NCAM1: variants seen among roughly 807,000 people sequenced by gnomAD.
NCAM1 encodes the protein neural cell adhesion molecule 1, also known as antigen recognized by monoclonal antibody 5.1H11.
NCAM1 carries 14 observed loss-of-function variants against 109.8 expected under a neutral mutation model. That is an observed-to-expected ratio of 0.13 (90% confidence interval 0.08 to 0.20). The LOEUF (loss-of-function observed/expected upper bound fraction) is 0.20, where lower values mean the gene tolerates loss of function less well. NCAM1 is among the 10% of genes least tolerant of loss of function. The probability of loss-of-function intolerance (pLI) is 1.00; values close to 1 mark genes in which losing one functional copy is unlikely to be tolerated. For missense variants in NCAM1, 774 were observed against 1,109.9 expected, an observed-to-expected ratio of 0.70 and a Z score of 4.30; for synonymous variants, 418 against 442.9, an observed-to-expected ratio of 0.94 and a Z score of 0.70.
At chr11:113,145,142 A>G (rs1555101110) in intron 1 of NCAM1, among the ~76,000 whole-genome samples, 4 of 152,234 alleles carry the variant, frequency 2.6e-5, no homozygotes, top group African/African-American at 4.8e-5. Flanking sequence ...ACACTCATTC[A>G]TTCACTCTTT....
At chr11:113,019,964 A>G (rs1555075943) in intron 1 of NCAM1, among the ~76,000 whole-genome samples, 2 of 152,196 alleles carry the variant, frequency 1.3e-5, no homozygotes, top group Non-Finnish European at 2.9e-5. Context: ...GTATAATAAC[A>G]TAGCATGGCA....
chr11:112,981,065 A>G (rs1436647725), intron 1 of NCAM1, among the ~76,000 whole-genome samples: 3 of 151,878 alleles, frequency 2.0e-5, no homozygotes, highest in African/African-American at 7.2e-5. Flanking sequence ...AAGAGAATGT[A>G]GAGGAGAATC....
intron 1 of NCAM1, among the ~76,000 whole-genome samples, chr11:113,131,753 G>A (rs1389404745): frequency 6.6e-6 from 1 of 152,174 alleles, no homozygotes; most frequent in Non-Finnish European, 1.5e-5. Context: ...GAGATGAGTG[G>A]AAGATCGAGC....
intron 1 of NCAM1, among the ~76,000 whole-genome samples, chr11:112,970,933 C>A (rs1213902089): frequency 6.6e-6 from 1 of 152,050 alleles, no homozygotes; most frequent in African/African-American, 2.4e-5. Context: ...GGAGAAAGAT[C>A]TTTGAAGTTA....
chr11:113,234,362 A>G (rs1945099928), intron 13 of NCAM1, among the ~76,000 whole-genome samples: 1 of 152,030 alleles, frequency 6.6e-6, no homozygotes, highest in Non-Finnish European at 1.5e-5. Flanking sequence ...AGTGGCATTA[A>G]GTTGTAACCA....
chr11:113,046,632 G>A (rs192247255), intron 1 of NCAM1, among the ~76,000 whole-genome samples: 2 of 152,288 alleles, frequency 1.3e-5, no homozygotes, highest in Admixed American at 6.5e-5. Flanking sequence ...AAAGATAGAT[G>A]AATGAATGGA....
chr11:113,114,688 C>T (rs797023911), intron 1 of NCAM1, among the ~76,000 whole-genome samples: 2 of 152,326 alleles, frequency 1.3e-5, no homozygotes, highest in South Asian at 4.1e-4. Flanking sequence ...GCACCTCACT[C>T]ACTGCAGTGA....
chr11:113,173,442 G>A (rs1343035712), intron 1 of NCAM1, among the ~76,000 whole-genome samples: 1 of 151,684 alleles, frequency 6.6e-6, no homozygotes, highest in Non-Finnish European at 1.5e-5. Flanking sequence ...CCCACACACT[G>A]GGCTAGAATG....
chr11:112,982,903 C>T (rs1183346177), intron 1 of NCAM1, among the ~76,000 whole-genome samples: 1 of 151,764 alleles, frequency 6.6e-6, no homozygotes, highest in African/African-American at 2.4e-5. Flanking sequence ...GGAGAGATCA[C>T]GTTAGAGACA....
At chr11:113,207,499 A>T (rs1354807121) in intron 6 of NCAM1, 121 bp downstream of exon 6, 1 of 760,692 alleles carries the variant, frequency 1.3e-6, no homozygotes, top group African/African-American at 1.8e-5. Context: ...TAACCCCAGG[A>T]GAAGAATGGA....
At chr11:113,168,043 C>T (rs1942864635) in intron 1 of NCAM1, among the ~76,000 whole-genome samples, 1 of 152,108 alleles carries the variant, frequency 6.6e-6, no homozygotes, top group Admixed American at 6.5e-5. Context: ...CACATTTTTC[C>T]ACATCTGAAA....
At chr11:113,262,821 G>A in intron 17 of NCAM1, 1 of 1,612,528 alleles carries the variant, frequency 6.2e-7, no homozygotes, top group Non-Finnish European at 8.5e-7. Context: ...ATTATCTCTG[G>A]GGACCCATTG....
intron 1 of NCAM1, among the ~76,000 whole-genome samples, chr11:112,965,011 C>CA: frequency 6.6e-6 from 1 of 152,154 alleles, no homozygotes; most frequent in Non-Finnish European, 1.5e-5. Context: ...GCTTTATGAA[C>CA]GCCCTCTTTC....
At chr11:113,052,306 T>C (rs1555081933) in intron 1 of NCAM1, among the ~76,000 whole-genome samples, 2 of 152,180 alleles carry the variant, frequency 1.3e-5, no homozygotes, top group East Asian at 3.9e-4. Context: ...TTTGAAACAT[T>C]GTTAATTACA....
chr11:113,209,551 T>C (rs938912027), intron 7 of NCAM1, among the ~76,000 whole-genome samples: 1 of 152,230 alleles, frequency 6.6e-6, no homozygotes, highest in South Asian at 2.1e-4. Context: ...CCATTGTTGC[T>C]GGACAGAGGG....
At chr11:113,127,731 A>G (rs1316063092) in intron 1 of NCAM1, among the ~76,000 whole-genome samples, 1 of 152,270 alleles carries the variant, frequency 6.6e-6, no homozygotes, top group Non-Finnish European at 1.5e-5. Context: ...ATTAGTGCCC[A>G]GTAACAAAAA....
At chr11:112,979,701 G>A (rs10891485) in intron 1 of NCAM1, among the ~76,000 whole-genome samples, 45,921 of 151,578 alleles carry the variant, frequency 0.3, 7,990 homozygotes, top group East Asian at 0.67. Flanking sequence ...TAGCTTGAGT[G>A]ACTCCATTTT....
intron 17 of NCAM1, chr11:113,264,451 C>T: frequency 1.0e-6 from 1 of 985,588 alleles, no homozygotes; most frequent in South Asian, 4.7e-5. Flanking sequence ...AACCCAGCCA[C>T]AAAACTCTCC....
chr11:113,269,772 A>T (rs1483291435), intron 17 of NCAM1: 2 of 232,828 alleles, frequency 8.6e-6, no homozygotes, highest in Non-Finnish European at 1.7e-5. Flanking sequence ...ATCCCTGAGC[A>T]CTTGAGGAGC....
Sources: gnomAD v4.1 joint callset for allele counts (sites outside exome capture counted in the v4.1 genomes callset) on GRCh38, gnomAD v4.1.1 for gene constraint, MANE v1.5 for transcripts, NCBI Gene and HGNC (gene_info 2026-07-23, HGNC 2026-07-21) for gene names.